Variants in CDC14A observed in about 807,000 individuals in gnomAD.
CDC14A encodes dual specificity protein phosphatase CDC14A.
CDC14A carries 53 observed loss-of-function variants against 74.4 expected under a neutral mutation model. The ratio of observed to expected loss-of-function variants is 0.71; its 90% CI spans 0.57 to 0.89. The LOEUF (loss-of-function observed/expected upper bound fraction) is 0.89, where lower values mean the gene tolerates loss of function less well. Ranked by LOEUF, CDC14A falls within the 40% of genes least tolerant of loss-of-function variation. The pLI, the probability that CDC14A is intolerant of heterozygous loss-of-function variation, is 0.00. For missense variants in CDC14A, 646 were observed against 713.7 expected, an observed-to-expected ratio of 0.91 and a Z score of 1.08; for synonymous variants, 247 against 258.4, an observed-to-expected ratio of 0.96 and a Z score of 0.43.
At chr1:100,446,318 A>G (rs922269444) in intron 7 of CDC14A, among the ~76,000 whole-genome samples, 5 of 152,352 alleles carry the variant, frequency 3.3e-5, no homozygotes, top group Middle Eastern at 3.4e-3. Context: ...CTGTATCTCT[A>G]TGTGAGATTA....
chr1:100,480,757 A>G (rs1296126481), intron 10 of CDC14A, among the ~76,000 whole-genome samples: 3 of 152,200 alleles, frequency 2.0e-5, no homozygotes, highest in Non-Finnish European at 2.9e-5. Context: ...GTAAGCAGTG[A>G]TATATTAGGC....
rs890242023 is a variant in CDC14A, at chr1:100,352,855, A to T, written c.-100A>T. ...CCCTCGGCCAGGCTTGTTGTTCGGG[A>T]CTGTGAGCTTCCTGGCTCCTGGGCA... is the stretch of plus-strand genomic sequence containing the variant. On this transcript the variant is annotated 5_prime_UTR_variant, in exon 1 of 16. Coordinates refer to ENST00000336454, the MANE Select transcript of CDC14A (RefSeq NM_003672.4). 17 of 1,592,866 alleles carry T rather than the reference A, an allele frequency of 1.1e-5. No individual in the cohort carries two copies. The highest frequency in any genetic ancestry group is 7.0e-5 in the Admixed American group (4 of 56,782).
intron 15 of CDC14A, among the ~76,000 whole-genome samples, chr1:100,502,587 CTA>C (rs777994490): frequency 4.1e-4 from 63 of 152,338 alleles, no homozygotes; most frequent in Middle Eastern, 3.4e-3. Flanking sequence ...TGATGCATGA[CTA>C]TGTAAATACC....
intron 7 of CDC14A, among the ~76,000 whole-genome samples, chr1:100,454,649 G>C (rs545446124): frequency 6.6e-6 from 1 of 152,068 alleles, no homozygotes; most frequent in South Asian, 2.1e-4. Flanking sequence ...TCAGCCAATG[G>C]GCATGTTTTA....
intron 4 of CDC14A, among the ~76,000 whole-genome samples, chr1:100,397,308 CTTGAGAT>C (rs960692209): frequency 3.3e-5 from 5 of 152,130 alleles, no homozygotes; most frequent in African/African-American, 1.2e-4. Flanking sequence ...CATTGTGCTC[CTTGAGAT>C]GGAAGGCTCA....
upstream of CDC14A, among the ~76,000 whole-genome samples, chr1:100,352,025 G>A (rs991913624): frequency 6.8e-6 from 1 of 147,594 alleles, no homozygotes; most frequent in Non-Finnish European, 1.5e-5. Context: ...CGCCCTACAA[G>A]AGTTTAGAAG....
At chr1:100,425,553 G>A (rs886469146) in intron 5 of CDC14A, among the ~76,000 whole-genome samples, 6 of 152,090 alleles carry the variant, frequency 3.9e-5, no homozygotes, top group African/African-American at 1.4e-4. Flanking sequence ...AGCTGTTAGG[G>A]TAAGACATGG....
At chr1:100,498,869 C>T in intron 14 of CDC14A, 60 bp from the exon 15 acceptor site, 2 of 1,543,774 alleles carry the variant, frequency 1.3e-6, no homozygotes. Context: ...GAAACGTGAG[C>T]TCTGTGTGAT....
At chr1:100,477,861 A>G (rs553596934) in intron 10 of CDC14A, among the ~76,000 whole-genome samples, 1 of 152,352 alleles carries the variant, frequency 6.6e-6, no homozygotes, top group East Asian at 1.9e-4. Context: ...CTCTGACTTT[A>G]GAAAGGCTGG....
chr1:100,397,031 A>AT (rs200147704), intron 4 of CDC14A, among the ~76,000 whole-genome samples: 10,496 of 146,594 alleles, frequency 0.072, 781 homozygotes, highest in African/African-American at 0.18. Context: ...ACATTATGAG[A>AT]TTTTTTTTTT....
intron 4 of CDC14A, among the ~76,000 whole-genome samples, chr1:100,417,130 T>A (rs1661633781): frequency 6.6e-6 from 1 of 152,194 alleles, no homozygotes; most frequent in Non-Finnish European, 1.5e-5. Flanking sequence ...GCAGAGAGCT[T>A]TGAGAACATA....
chr1:100,433,864 T>C (rs909147491), intron 5 of CDC14A, among the ~76,000 whole-genome samples: 1 of 152,192 alleles, frequency 6.6e-6, no homozygotes, highest in African/African-American at 2.4e-5. Flanking sequence ...CAAATACTTT[T>C]ACCACTGCTG....
intron 15 of CDC14A, among the ~76,000 whole-genome samples, chr1:100,506,365 C>G (rs1649236790): frequency 6.6e-6 from 1 of 152,152 alleles, no homozygotes; most frequent in Admixed American, 6.5e-5. Flanking sequence ...AGAACATGAG[C>G]TCAATCTCAG....
chr1:100,489,541 C>T (rs544537739), intron 11 of CDC14A, among the ~76,000 whole-genome samples: 1 of 148,960 alleles, frequency 6.7e-6, no homozygotes, highest in Non-Finnish European at 1.5e-5. Context: ...AATATTTATT[C>T]TTCATGTTGT....
intron 3 of CDC14A, among the ~76,000 whole-genome samples, chr1:100,389,180 C>CAAAAAA (rs1196346245): frequency 1.9e-5 from 1 of 52,238 alleles, no homozygotes. Flanking sequence ...GACCCTGTCT[C>CAAAAAA]AAAAAAAAAA....
At chr1:100,441,600 G>A (rs116365142) in intron 6 of CDC14A, among the ~76,000 whole-genome samples, 3,003 of 149,650 alleles carry the variant, frequency 0.02, 109 homozygotes, top group African/African-American at 0.07. Flanking sequence ...CAGAGAGTTT[G>A]TATATTTTTC....
At chr1:100,495,645 C>A (rs1471407871) in intron 12 of CDC14A, among the ~76,000 whole-genome samples, 1 of 152,194 alleles carries the variant, frequency 6.6e-6, no homozygotes, top group Non-Finnish European at 1.5e-5. Context: ...AAGAGATACA[C>A]ATAGCAGAAG....
At chr1:100,433,100 A>C (rs1000271494) in intron 5 of CDC14A, among the ~76,000 whole-genome samples, 1 of 151,812 alleles carries the variant, frequency 6.6e-6, no homozygotes, top group Middle Eastern at 3.4e-3. Context: ...GGCTAGTCTC[A>C]AACTACTGGG....
intron 2 of CDC14A, among the ~76,000 whole-genome samples, chr1:100,357,676 G>C (rs533554137): frequency 9.9e-5 from 15 of 150,950 alleles, no homozygotes; most frequent in South Asian, 2.1e-4. Context: ...CGACAGGATT[G>C]CTTGAGGCCT....
Sources: allele counts gnomAD v4.1 joint callset (sites outside exome capture counted in the v4.1 genomes callset), GRCh38; gene constraint gnomAD v4.1.1; transcripts MANE v1.5; gene names NCBI Gene and HGNC (gene_info 2026-07-23, HGNC 2026-07-21).